CAPN3: variants seen among roughly 807,000 people sequenced by gnomAD.
CAPN3 encodes the protein calpain 3.
Under a neutral mutation model 114.0 loss-of-function variants are expected in CAPN3, and 88 were observed. The observed-to-expected ratio is 0.77, with a 90% CI of 0.65 to 0.92. The LOEUF (loss-of-function observed/expected upper bound fraction) is 0.92, where lower values mean the gene tolerates loss of function less well. Ranked by LOEUF, CAPN3 falls within the 40% of genes least tolerant of loss-of-function variation. The probability of loss-of-function intolerance (pLI) is 0.00; values close to 1 mark genes in which losing one functional copy is unlikely to be tolerated. For missense variants in CAPN3, 1,028 were observed against 1,069.0 expected (o/e 0.96, Z 0.53); for synonymous variants, 386 against 382.9 (o/e 1.01, Z -0.09).
intron 3 of CAPN3, among the ~76,000 whole-genome samples, chr15:42,386,905 C>T (rs866306451): frequency 3.3e-5 from 5 of 152,086 alleles, no homozygotes; most frequent in African/African-American, 9.7e-5. Flanking sequence ...TCGTAGCTTC[C>T]GGGATGCTGG....
intron 15 of CAPN3, among the ~76,000 whole-genome samples, chr15:42,407,231 T>A (rs1454912575): frequency 6.6e-6 from 1 of 152,216 alleles, no homozygotes; most frequent in East Asian, 1.9e-4. Flanking sequence ...TTTTGCAGTA[T>A]GATTTTGCAT....
intron 1 of CAPN3, among the ~76,000 whole-genome samples, chr15:42,376,797 A>G (rs925752283): frequency 7.9e-5 from 12 of 152,226 alleles, no homozygotes; most frequent in East Asian, 3.8e-4. Flanking sequence ...CTGTATACAC[A>G]TATCTATAAT....
At chr15:42,403,093 C>T (rs1820924586) in intron 13 of CAPN3, 91 bp downstream of exon 13, 2 of 998,150 alleles carry the variant, frequency 2.0e-6, no homozygotes, top group Admixed American at 3.6e-5. Context: ...GACACGTCTC[C>T]TCCAGGGTCC....
At chr15:42,399,767 CT>C in intron 10 of CAPN3, 115 bp downstream of exon 10, 1 of 939,658 alleles carries the variant, frequency 1.1e-6, no homozygotes. Flanking sequence ...CTTATTAAAC[CT>C]TCCCTGTTTT....
At chr15:42,409,883 G>GGGGGGGGGGGGGGGCCCCCCCCCCCC in intron 18 of CAPN3, 39 bp downstream of exon 18, 1 of 559,608 alleles carries the variant, frequency 1.8e-6, no homozygotes. Flanking sequence ...GGTGGGTGGG[G>GGGGGGGGGGGGGGGCCCCCCCCCCCC]AGTCCCGTTG....
intron 15 of CAPN3, among the ~76,000 whole-genome samples, chr15:42,407,422 A>T (rs1025369843): frequency 1.3e-5 from 2 of 151,908 alleles, no homozygotes; most frequent in Non-Finnish European, 2.9e-5. Context: ...TCCACCTCCC[A>T]TGTTCACACC....
intron 17 of CAPN3, 44 bp downstream of exon 17, chr15:42,409,424 CT>C (rs773881055): frequency 6.6e-7 from 1 of 1,524,646 alleles, no homozygotes; most frequent in Non-Finnish European, 9.1e-7. Flanking sequence ...GCTTCCTTCT[CT>C]CCTGGATTAA....
At chr15:42,363,849 C>G (rs117630910) in intron 1 of CAPN3, among the ~76,000 whole-genome samples, 2 of 149,730 alleles carry the variant, frequency 1.3e-5, no homozygotes, top group African/African-American at 2.6e-5. Context: ...AAATAACTCG[C>G]GCCAGATCTC....
Position 42,394,426 on chromosome 15 carries a change from ATT to A in CAPN3, c.1115+86_1115+87del. On this transcript the variant is annotated intron_variant, in intron 8 of 23. Transcript: ENST00000397163. ...GTGTTGGGAACTGAGCCATGAGAGT[ATT>A]GAAGATGCTTGGTATAAAATCACCC... 3.9e-6 allele frequency: 4 copies of A among 1,036,194 alleles called. No homozygotes were observed. The South Asian group carries it at 5.5e-5, about 14-fold the overall frequency. 64.2% of individuals were successfully genotyped at this position (1,036,194 alleles called of 1,614,324 possible).
At chr15:42,394,158 G>A (rs940960909) in intron 7 of CAPN3, 98 bp from the exon 8 acceptor site, 23 of 1,116,214 alleles carry the variant, frequency 2.1e-5, no homozygotes, top group Non-Finnish European at 3.1e-5. Context: ...CCTCGCGTAA[G>A]AGATTTGCCC....
At chr15:42,372,979 A>C (rs1422393199) in intron 1 of CAPN3, among the ~76,000 whole-genome samples, 1 of 152,144 alleles carries the variant, frequency 6.6e-6, no homozygotes, top group African/African-American at 2.4e-5. Flanking sequence ...ACCTGAGGTC[A>C]GGAGTTCAAG....
At chr15:42,362,612 G>T (rs2052674298) in intron 1 of CAPN3, among the ~76,000 whole-genome samples, 1 of 152,184 alleles carries the variant, frequency 6.6e-6, no homozygotes, top group Admixed American at 6.5e-5. Context: ...CTGCCCATTG[G>T]GTTCACTAGC....
chr15:42,403,285 T>C (rs749971093), intron 13 of CAPN3, among the ~76,000 whole-genome samples: 35 of 152,074 alleles, frequency 2.3e-4, no homozygotes, highest in Non-Finnish European at 4.3e-4. Flanking sequence ...GAGACAATAA[T>C]GGATAGGAAA....
At chr15:42,368,255 T>A (rs2052839918) in intron 1 of CAPN3, among the ~76,000 whole-genome samples, 2 of 152,240 alleles carry the variant, frequency 1.3e-5, no homozygotes, top group African/African-American at 4.8e-5. Flanking sequence ...CTCAGCCTTC[T>A]TGTTTCAGCT....
intron 1 of CAPN3, among the ~76,000 whole-genome samples, chr15:42,364,474 G>T (rs1186092911): frequency 6.6e-6 from 1 of 152,138 alleles, no homozygotes; most frequent in East Asian, 1.9e-4. Context: ...AGCTTAATTT[G>T]TGCCTATGAC....
intron 4 of CAPN3, among the ~76,000 whole-genome samples, 159 bp downstream of exon 4, chr15:42,388,045 A>G (rs2053451333): frequency 6.6e-6 from 1 of 152,238 alleles, no homozygotes; most frequent in African/African-American, 2.4e-5. Context: ...GATCAGTTCC[A>G]GGCAACAACA....
rs1252006760 is a variant in CAPN3, at chr15:42,398,656, TACACACACATATAC to T, written c.1194-826_1194-813del. Among the ~76,000 whole-genome samples the T allele has an allele frequency of 2.8e-3, 419 of 147,546 alleles. 3 individuals carry two copies. Among genetic ancestry groups the T allele is most frequent in the African/African-American group, 0.01 (397 of 38,918 alleles). ...ACACATATATATACACACATATATATACACACACATATACACACACACACGTCTGTATATATATG... is the reference window on the plus strand; with the variant it reads ...ACACATATATATACACACATATATATACACACACACGTCTGTATATATATG... On this transcript the variant is annotated intron_variant, in intron 9 of 23. Transcript: ENST00000397163.
intron 9 of CAPN3, among the ~76,000 whole-genome samples, chr15:42,397,211 A>G (rs2053720461): frequency 6.6e-6 from 1 of 152,194 alleles, no homozygotes; most frequent in Admixed American, 6.5e-5. Context: ...TTCCAACGTC[A>G]ACCTCACCCT....
rs1281847019 is a variant in CAPN3 at position 42,411,271 on chromosome 15, G to A, written c.2381-16G>A. On this transcript the variant is annotated splice_polypyrimidine_tract_variant and intron_variant, in intron 22 of 23. Coordinates refer to ENST00000397163, the MANE Select transcript of CAPN3 (RefSeq NM_000070.3). The stretch of plus-strand genomic sequence containing the variant: ...TGCGCCTGTAACTGGCCTCTGGCCT[G>A]TGCATTCTTTCACAGGAGCTTTTCA... 6.2e-7 allele frequency: 1 copy of A among 1,613,208 alleles called. No individual in the cohort carries two copies. Among genetic ancestry groups the A allele is most frequent in the East Asian group, 2.2e-5 (1 of 44,886 alleles).
Sources: allele counts gnomAD v4.1 joint callset (sites outside exome capture counted in the v4.1 genomes callset), GRCh38; gene constraint gnomAD v4.1.1; transcripts MANE v1.5; gene names NCBI Gene and HGNC (gene_info 2026-07-23, HGNC 2026-07-21).